The following TTC27 variants were observed in gnomAD, a reference collection of about 807,000 sequenced individuals.
The protein encoded by TTC27 is tetratricopeptide repeat domain 27.
Under a neutral mutation model 115.9 loss-of-function variants are expected in TTC27, and 79 were observed. The ratio of observed to expected loss-of-function variants is 0.68; its 90% CI spans 0.57 to 0.82. TTC27 has a LOEUF of 0.82. Ranked by LOEUF, TTC27 falls within the 40% of genes least tolerant of loss-of-function variation. TTC27 has a pLI of 0.00. For missense variants in TTC27, 1,054 were observed against 993.1 expected (o/e 1.06, Z -0.82); for synonymous variants, 401 against 356.0 (o/e 1.13, Z -1.42).
At chr2:32,691,533 A>G (rs1234603705) in intron 9 of TTC27, among the ~76,000 whole-genome samples, 3 of 152,056 alleles carry the variant, frequency 2.0e-5, no homozygotes, top group Non-Finnish European at 4.4e-5. Flanking sequence ...TCCTGACCTC[A>G]GGTGATCAGT....
chr2:32,658,460 C>T (rs990130760), intron 5 of TTC27, among the ~76,000 whole-genome samples: 1 of 152,172 alleles, frequency 6.6e-6, no homozygotes, highest in African/African-American at 2.4e-5. Flanking sequence ...TGTCAGCCTC[C>T]AATACATCAT....
chr2:32,786,406 G>T (rs915923403), intron 15 of TTC27, among the ~76,000 whole-genome samples: 4 of 152,152 alleles, frequency 2.6e-5, no homozygotes, highest in Admixed American at 6.5e-5. Context: ...CTCAAAAAGT[G>T]CTGGGATTAT....
Position 32,733,926 on chromosome 2 carries a change from A to G in TTC27, c.1329+3A>G, listed in dbSNP as rs1301610803. 10 of 1,603,628 alleles carry G rather than the reference A, an allele frequency of 6.2e-6. No individual in the cohort carries two copies. Among genetic ancestry groups the G allele is most frequent in the Non-Finnish European group, 8.5e-6 (10 of 1,173,172 alleles). ...TACCACCTCACTGGGCCATTCAGGT[A>G]TTTCTGTTGTTTGTCATTGGGTATG... On this transcript the variant is annotated splice_donor_region_variant and intron_variant, in intron 11 of 19. Coordinates refer to ENST00000317907, the MANE Select transcript of TTC27 (RefSeq NM_017735.5).
chr2:32,650,013 C>T, intron 4 of TTC27, 118 bp from the exon 5 acceptor site: 1 of 791,390 alleles, frequency 1.3e-6, no homozygotes, highest in Non-Finnish European at 2.0e-6. Context: ...GATGGGTAAT[C>T]TTATTGAGGA....
At chr2:32,646,557 G>GTTTT (rs369232306) in intron 4 of TTC27, among the ~76,000 whole-genome samples, 11 of 114,480 alleles carry the variant, frequency 9.6e-5, no homozygotes, top group Non-Finnish European at 1.9e-4. Context: ...TCTATATTTG[G>GTTTT]TTTTTTTTTT....
At chr2:32,634,567 G>A (rs1268362437) in intron 3 of TTC27, among the ~76,000 whole-genome samples, 1 of 151,586 alleles carries the variant, frequency 6.6e-6, no homozygotes, top group African/African-American at 2.4e-5. Flanking sequence ...AGGATTATAG[G>A]TGTGAGCGCT....
chr2:32,797,371 T>C (rs538294411), intron 16 of TTC27, among the ~76,000 whole-genome samples: 1 of 151,660 alleles, frequency 6.6e-6, no homozygotes, highest in Non-Finnish European at 1.5e-5. Flanking sequence ...GGAGACAGCG[T>C]TTTGCTATGT....
intron 10 of TTC27, among the ~76,000 whole-genome samples, chr2:32,715,193 T>C (rs7599214): frequency 0.1 from 15,758 of 152,218 alleles, 1,138 homozygotes; most frequent in African/African-American, 0.21. Flanking sequence ...TTCCAGGGAT[T>C]TTATAGTTTT....
intron 17 of TTC27, 45 bp from the exon 18 acceptor site, chr2:32,812,459 G>T: frequency 1.4e-6 from 2 of 1,405,912 alleles, no homozygotes; most frequent in South Asian, 1.2e-5. Flanking sequence ...TTTGAAATGT[G>T]AATTCTACTT....
chr2:32,820,570 A>C (rs906354584), intron 19 of TTC27, among the ~76,000 whole-genome samples: 5 of 152,242 alleles, frequency 3.3e-5, no homozygotes, highest in Non-Finnish European at 7.3e-5. Flanking sequence ...ATGAGAATTT[A>C]GGCAAATGCG....
chr2:32,750,689 G>A (rs975571420), intron 12 of TTC27, among the ~76,000 whole-genome samples: 1 of 152,150 alleles, frequency 6.6e-6, no homozygotes, highest in Admixed American at 6.5e-5. Context: ...CTTCAAACGG[G>A]GGTTTAGATA....
At chr2:32,740,764 C>T (rs1668606199) in intron 12 of TTC27, among the ~76,000 whole-genome samples, 1 of 152,230 alleles carries the variant, frequency 6.6e-6, no homozygotes, top group Non-Finnish European at 1.5e-5. Flanking sequence ...AAGCGATTCT[C>T]TTGCCTCAGC....
At chr2:32,663,858 T>A (rs1159327341) in intron 5 of TTC27, among the ~76,000 whole-genome samples, 1 of 152,114 alleles carries the variant, frequency 6.6e-6, no homozygotes, top group East Asian at 1.9e-4. Flanking sequence ...CTAATTTTTG[T>A]ATCTTTAGTA....
At chr2:32,705,495 A>G (rs1667336931) in intron 10 of TTC27, among the ~76,000 whole-genome samples, 1 of 151,786 alleles carries the variant, frequency 6.6e-6, no homozygotes, top group Non-Finnish European at 1.5e-5. Context: ...TTTATTTTTT[A>G]CTTGCCACTA....
At chr2:32,762,101 G>A (rs1050195675) in intron 13 of TTC27, among the ~76,000 whole-genome samples, 2 of 152,150 alleles carry the variant, frequency 1.3e-5, no homozygotes, top group Non-Finnish European at 2.9e-5. Flanking sequence ...TATATGTAAA[G>A]CACCAGTTAT....
intron 10 of TTC27, among the ~76,000 whole-genome samples, chr2:32,723,680 T>C (rs1667999459): frequency 7.3e-6 from 1 of 137,056 alleles, no homozygotes; most frequent in African/African-American, 3.1e-5. Context: ...TAATTATTGT[T>C]AGACTCAGCT....
intron 12 of TTC27, among the ~76,000 whole-genome samples, chr2:32,747,660 T>C (rs1668876056): frequency 6.6e-6 from 1 of 152,194 alleles, no homozygotes. Flanking sequence ...GAATACTAGG[T>C]ATTAAACTCT....
rs145442437 is a variant in TTC27, at chr2:32,710,394, A to G, written c.1233+7474A>G. Among the ~76,000 whole-genome samples the G allele has an allele frequency of 7.2e-5, 11 of 151,940 alleles. No individual in the cohort carries two copies. The East Asian group carries it at 2.1e-3, about 29-fold the overall frequency. ...TTTATAGCAGCAAATTAAACTAAAA[A>G]AGTGAATCTTTTAGGTGTTTATAAG... is the stretch of plus-strand genomic sequence containing the variant. On this transcript the variant is annotated intron_variant, in intron 10 of 19. Coordinates refer to ENST00000317907, the MANE Select transcript of TTC27 (RefSeq NM_017735.5).
intron 12 of TTC27, among the ~76,000 whole-genome samples, chr2:32,740,016 T>C (rs1224856263): frequency 6.6e-6 from 1 of 152,254 alleles, no homozygotes; most frequent in Non-Finnish European, 1.5e-5. Flanking sequence ...GCTTAGAAAC[T>C]ACCGGCATAC....
Sources: allele counts gnomAD v4.1 joint callset (sites outside exome capture counted in the v4.1 genomes callset), GRCh38; gene constraint gnomAD v4.1.1; transcripts MANE v1.5; gene names NCBI Gene and HGNC (gene_info 2026-07-23, HGNC 2026-07-21).